Variants in EXT1 observed in about 807,000 individuals in gnomAD.
The protein encoded by EXT1 is exostosin-1.
EXT1 carries 20 observed loss-of-function variants against 82.5 expected under a neutral mutation model. The observed-to-expected ratio is 0.24, with a 90% CI of 0.17 to 0.35. The LOEUF (loss-of-function observed/expected upper bound fraction) is 0.35. Ranked by LOEUF, EXT1 falls within the 10% of genes least tolerant of loss-of-function variation. EXT1 has a pLI of 1.00. For missense variants in EXT1, 757 were observed against 936.5 expected, an observed-to-expected ratio of 0.81 and a Z score of 2.50; for synonymous variants, 348 against 350.8, an observed-to-expected ratio of 0.99 and a Z score of 0.09.
At chr8:117,812,989 G>T (rs1467718400) in intron 7 of EXT1, 28 bp from the exon 8 acceptor site, 5 of 1,587,540 alleles carry the variant, frequency 3.1e-6, no homozygotes, top group Non-Finnish European at 4.3e-6. Flanking sequence ...TAGGCAGTGG[G>T]GAGGGAATGA....
At chr8:117,832,621 AG>A (rs1488118137) in intron 3 of EXT1, among the ~76,000 whole-genome samples, 1 of 152,176 alleles carries the variant, frequency 6.6e-6, no homozygotes, top group African/African-American at 2.4e-5. Flanking sequence ...AAAGGAGAAA[AG>A]GAATATCACA....
intron 1 of EXT1, among the ~76,000 whole-genome samples, chr8:118,075,916 G>A (rs564307505): frequency 5.9e-5 from 9 of 151,982 alleles, no homozygotes; most frequent in South Asian, 4.2e-4. Context: ...ACCTCCCACC[G>A]GACCCCACCT....
chr8:117,978,157 T>C (rs1465190487), intron 1 of EXT1, among the ~76,000 whole-genome samples: 1 of 152,190 alleles, frequency 6.6e-6, no homozygotes, highest in African/African-American at 2.4e-5. Context: ...ATGCAATAAA[T>C]GGAAATGTCA....
chr8:118,106,961 T>G (rs930778881), intron 1 of EXT1, among the ~76,000 whole-genome samples: 1 of 152,220 alleles, frequency 6.6e-6, no homozygotes, highest in African/African-American at 2.4e-5. Flanking sequence ...AGAAATTTAT[T>G]TTCTCTCTAT....
At chr8:117,863,323 G>C (rs906599223) in intron 1 of EXT1, among the ~76,000 whole-genome samples, 1 of 111,510 alleles carries the variant, frequency 9.0e-6, no homozygotes, top group African/African-American at 2.6e-5. Flanking sequence ...TGATTCCAAA[G>C]TGCATGCTCT....
intron 1 of EXT1, among the ~76,000 whole-genome samples, chr8:117,856,503 T>C (rs909997798): frequency 6.7e-6 from 1 of 148,358 alleles, no homozygotes; most frequent in African/African-American, 2.5e-5. Context: ...CCTGACCTCA[T>C]GATCCGCCCA....
At chr8:117,998,189 T>C (rs1456842384) in intron 1 of EXT1, among the ~76,000 whole-genome samples, 1 of 152,016 alleles carries the variant, frequency 6.6e-6, no homozygotes, top group Non-Finnish European at 1.5e-5. Context: ...AATTTTTGTA[T>C]TTTTAATAGA....
intron 1 of EXT1, among the ~76,000 whole-genome samples, chr8:118,004,395 T>C (rs1222625438): frequency 6.6e-6 from 1 of 152,234 alleles, no homozygotes; most frequent in East Asian, 1.9e-4. Context: ...ATGAATATTT[T>C]GGAGCTAAAT....
chr8:117,944,011 C>T (rs949048588), intron 1 of EXT1, among the ~76,000 whole-genome samples: 12 of 152,192 alleles, frequency 7.9e-5, no homozygotes, highest in Middle Eastern at 6.3e-3. Context: ...TTCTCAGAAA[C>T]TCTCATTTCC....
intron 1 of EXT1, among the ~76,000 whole-genome samples, chr8:118,092,134 A>C (rs2514745): frequency 0.98 from 149,220 of 152,296 alleles, 73,190 homozygotes; most frequent in Non-Finnish European, 1. Flanking sequence ...TATTTGGAGG[A>C]AAATAATGCA....
chr8:118,108,301 G>A (rs575455020), intron 1 of EXT1, among the ~76,000 whole-genome samples: 15 of 152,252 alleles, frequency 9.9e-5, no homozygotes, highest in Non-Finnish European at 2.1e-4. Flanking sequence ...CTTTTAGAAG[G>A]ATGAAGAACA....
rs555973998 is a variant in EXT1, at chr8:118,088,493, T to TAA, written c.962+21590_962+21591dup. 2.6e-3 allele frequency among the ~76,000 whole-genome samples: 342 copies of TAA among 130,174 alleles called. 2 individuals are homozygous for TAA. Among genetic ancestry groups the TAA allele is most frequent in the African/African-American group, 9.1e-3 (320 of 35,164 alleles). 85.4% of individuals were successfully genotyped at this position (130,174 alleles called of 152,430 possible). ...GCTATCTGATTAATATAGTAATGCT[T>TAA]AAAAAAAAAAAAAAGGTAGGGGAAG... On this transcript the variant is annotated intron_variant, in intron 1 of 10. Coordinates refer to ENST00000378204, the MANE Select transcript of EXT1 (RefSeq NM_000127.3).
chr8:117,901,422 T>C (rs1586273879), intron 1 of EXT1, among the ~76,000 whole-genome samples: 1 of 152,128 alleles, frequency 6.6e-6, no homozygotes, highest in Non-Finnish European at 1.5e-5. Flanking sequence ...TTAAAATGAA[T>C]AGAGCTTGCA....
At chr8:117,901,015 A>G (rs1352542506) in intron 1 of EXT1, among the ~76,000 whole-genome samples, 2 of 152,242 alleles carry the variant, frequency 1.3e-5, no homozygotes, top group Non-Finnish European at 2.9e-5. Flanking sequence ...GAGAGGACTC[A>G]GTAAAAAGTT....
chr8:117,998,037 C>T lies in EXT1; in HGVS notation c.962+112048G>A, dbSNP rs577901035. The stretch of plus-strand genomic sequence containing the variant: ...TTACTTTTTTTTTTTTTTTTTGAGA[C>T]GGAGTCTTGCTCTGTCACTAGGCTG... On this transcript the variant is annotated intron_variant, in intron 1 of 10. Transcript: ENST00000378204. Among the ~76,000 whole-genome samples the T allele has an allele frequency of 2.1e-4, 30 of 141,126 alleles. No individual in the cohort carries two copies. In the South Asian group the frequency reaches 5.5e-3, roughly 26 times the overall value. The allele number at this position is 141,126 out of a possible 152,430, so 92.6% of individuals were successfully genotyped here.
Position 118,058,063 on chromosome 8 carries a change from G to T in EXT1, c.962+52022C>A, listed in dbSNP as rs17451442. Among the ~76,000 whole-genome samples, 294 of 151,730 alleles carry T rather than the reference G, an allele frequency of 1.9e-3. 3 individuals carry two copies. The East Asian group carries it at 0.042, about 21-fold the overall frequency. ...CTGTCACTACCTGGGATGTTTAGTG[G>T]CTTCAGGAGTATATTCCCAAATGAC... On this transcript the variant is annotated intron_variant, in intron 1 of 10. Coordinates refer to ENST00000378204, the MANE Select transcript of EXT1 (RefSeq NM_000127.3).
chr8:117,885,494 CA>C (rs11300586), intron 1 of EXT1, among the ~76,000 whole-genome samples: 52,801 of 103,948 alleles, frequency 0.51, 10,353 homozygotes, highest in Middle Eastern at 0.59. Context: ...AAGTAACAGA[CA>C]AAAAAAAAAA....
At position 117,799,387 on chromosome 8, in the gene EXT1, T is replaced by G. The variant is rs1823129936; in HGVS notation, c.*325A>C. ...ATTTTGATTAAACAAAGAACTCTGG[T>G]TTTTAATAGTTTTGATCATTAAAAA... On this transcript the variant is annotated 3_prime_UTR_variant, in exon 11 of 11. Coordinates refer to ENST00000378204, the MANE Select transcript of EXT1 (RefSeq NM_000127.3). The G allele has an allele frequency of 3.1e-6, 1 of 321,966 alleles. No individual in the cohort carries two copies. Among genetic ancestry groups the G allele is most frequent in the Non-Finnish European group, 5.8e-6 (1 of 171,796 alleles). 19.9% of individuals were successfully genotyped at this position (321,966 alleles called of 1,614,324 possible).
intron 4 of EXT1, among the ~76,000 whole-genome samples, chr8:117,829,268 A>G (rs1342044681): frequency 6.6e-6 from 1 of 152,014 alleles, no homozygotes; most frequent in Admixed American, 6.6e-5. Flanking sequence ...GGTTTTAATC[A>G]TCTCCATGCT....
Sources: gnomAD v4.1 joint callset for allele counts (sites outside exome capture counted in the v4.1 genomes callset) on GRCh38, gnomAD v4.1.1 for gene constraint, MANE v1.5 for transcripts, NCBI Gene and HGNC (gene_info 2026-07-23, HGNC 2026-07-21) for gene names.